The following SATL1 variants were observed in gnomAD, a reference collection of about 807,000 sequenced individuals.
SATL1 encodes spermidine/spermine N(1)-acetyltransferase-like protein 1.
SATL1 carries 47 observed loss-of-function variants against 51.8 expected under a neutral mutation model. The observed-to-expected ratio is 0.91, with a 90% confidence interval of 0.72 to 1.16. The LOEUF is 1.16. Ranked by LOEUF, SATL1 falls within the 50% of genes most tolerant of loss-of-function variation. The pLI is 0.00. For missense variants in SATL1, 520 were observed against 526.4 expected, an observed-to-expected ratio of 0.99 and a Z score of 0.12; for synonymous variants, 176 against 182.4, an observed-to-expected ratio of 0.97 and a Z score of 0.28.
chrX:85,094,074 T>A, intron 6 of SATL1, 54 bp downstream of exon 6: 1 of 649,338 alleles, frequency 1.5e-6, no homozygotes, highest in East Asian at 3.4e-5. Flanking sequence ...CCTTAAAATA[T>A]GTCACTTTAA....
chrX:85,153,389 G>A (rs1926514055), intron 2 of SATL1, among the ~76,000 whole-genome samples: 1 of 111,523 alleles, frequency 9.0e-6, no homozygotes, highest in Non-Finnish European at 1.9e-5. Context: ...TAGCCAAAGT[G>A]AATACAGGTA....
At chrX:85,112,423 C>A (rs1360726831) in intron 2 of SATL1, among the ~76,000 whole-genome samples, 2 of 110,983 alleles carry the variant, frequency 1.8e-5, no homozygotes, top group Non-Finnish European at 1.9e-5. Context: ...AGGTGACTTG[C>A]GGGATGAAGC....
intron 2 of SATL1, among the ~76,000 whole-genome samples, chrX:85,147,330 G>T (rs1040186377): frequency 8.9e-6 from 1 of 112,198 alleles, no homozygotes; most frequent in Non-Finnish European, 1.9e-5. Context: ...GCTCCAACTG[G>T]GTGGAGCCCA....
At chrX:85,222,924 AC>A (rs2147761788) in intron 2 of SATL1, among the ~76,000 whole-genome samples, 1 of 112,089 alleles carries the variant, frequency 8.9e-6, no homozygotes, top group African/African-American at 3.2e-5. Flanking sequence ...TACTCTTCTA[AC>A]TAGAAGTCTC....
At chrX:85,104,939 C>G (rs953824204) in intron 3 of SATL1, among the ~76,000 whole-genome samples, 1 of 111,470 alleles carries the variant, frequency 9.0e-6, no homozygotes, top group Non-Finnish European at 1.9e-5. Context: ...ATACAGAAGG[C>G]TGACTGCATA....
intron 2 of SATL1, among the ~76,000 whole-genome samples, chrX:85,138,730 T>A (rs73627324): frequency 9.0e-6 from 1 of 111,466 alleles, no homozygotes; most frequent in African/African-American, 3.3e-5. Context: ...ACAGCATTTC[T>A]TTTGAGGAGT....
intron 2 of SATL1, among the ~76,000 whole-genome samples, chrX:85,186,517 T>G (rs948893794): frequency 5.4e-5 from 6 of 111,162 alleles, no homozygotes; most frequent in African/African-American, 2.0e-4. Context: ...GAACTCAGGC[T>G]TTTACGTGAC....
At chrX:85,097,975 A>G (rs1175299583) in intron 4 of SATL1, among the ~76,000 whole-genome samples, 1 of 111,550 alleles carries the variant, frequency 9.0e-6, no homozygotes, top group Admixed American at 9.5e-5. Flanking sequence ...GTCCTTCCTC[A>G]TCAGTAATTA....
intron 2 of SATL1, among the ~76,000 whole-genome samples, chrX:85,177,252 C>T (rs1001466240): frequency 2.7e-5 from 3 of 111,068 alleles, no homozygotes; most frequent in Admixed American, 1.9e-4. Flanking sequence ...TAATATTGTT[C>T]CTTTGCTATT....
intron 2 of SATL1, among the ~76,000 whole-genome samples, chrX:85,181,818 G>A (rs770937995): frequency 9.0e-6 from 1 of 111,508 alleles, no homozygotes; most frequent in African/African-American, 3.3e-5. Context: ...TATCAAAATT[G>A]TAATACAAAC....
chrX:85,171,103 T>C (rs1926962469), intron 2 of SATL1, among the ~76,000 whole-genome samples: 1 of 111,401 alleles, frequency 9.0e-6, no homozygotes, highest in Non-Finnish European at 1.9e-5. Context: ...TAGAATAATA[T>C]GGTCATAAGC....
chrX:85,224,768 CAA>C lies in SATL1; in HGVS notation c.-434-444_-434-443del, dbSNP rs58905613. ...AGCAATTCCACTCATGAGTATATATCAAAAAAAAAAAAAAAAAAGAGGAAAAC... is the reference window on the plus strand; with the variant it reads ...AGCAATTCCACTCATGAGTATATATCAAAAAAAAAAAAAAAAGAGGAAAAC... On this transcript the variant is annotated intron_variant, in intron 1 of 7. Transcript: ENST00000644105. 4.2e-4 allele frequency among the ~76,000 whole-genome samples: 25 copies of C among 59,720 alleles called. No homozygotes were observed. In the East Asian group the frequency reaches 4.8e-3, roughly 11 times the overall value. The allele number at this position is 59,720 out of a possible 115,157, so 51.9% of individuals were successfully genotyped here.
At position 85,150,461 on chromosome X, in the gene SATL1, T is replaced by G. The variant is rs1220196488; in HGVS notation, c.-312-41181A>C. Among the ~76,000 whole-genome samples the G allele has an allele frequency of 9.3e-5, 10 of 107,969 alleles. No individual in the cohort carries two copies. In the South Asian group the frequency reaches 4.1e-3, roughly 44 times the overall value. The allele number at this position is 107,969 out of a possible 115,157, so 93.8% of individuals were successfully genotyped here. Reference sequence around the variant, plus strand: ...AAAGAGGGAATCCTCCCTAACTCATTTTATGAGGCCAGCATCATCCTGATA... The same window carrying G: ...AAAGAGGGAATCCTCCCTAACTCATGTTATGAGGCCAGCATCATCCTGATA... On this transcript the variant is annotated intron_variant, in intron 2 of 7. Transcript: ENST00000644105.
chrX:85,222,214 ATC>A (rs965064732), intron 2 of SATL1, among the ~76,000 whole-genome samples: 6 of 111,876 alleles, frequency 5.4e-5, no homozygotes, highest in African/African-American at 1.9e-4. Context: ...CTTATCCTTT[ATC>A]TCTGTTTCAT....
chrX:85,222,060 G>A (rs946165891), intron 2 of SATL1, among the ~76,000 whole-genome samples: 5 of 111,822 alleles, frequency 4.5e-5, no homozygotes, highest in African/African-American at 1.6e-4. Flanking sequence ...CAGAGTAGGA[G>A]AAGACCAAGG....
intron 2 of SATL1, among the ~76,000 whole-genome samples, chrX:85,203,781 G>A (rs1388287049): frequency 8.9e-6 from 1 of 112,547 alleles, no homozygotes; most frequent in Non-Finnish European, 1.9e-5. Flanking sequence ...CCTTTCCACG[G>A]GAGCTCCTTC....
At chrX:85,130,079 T>C (rs982026015) in intron 2 of SATL1, among the ~76,000 whole-genome samples, 1 of 112,068 alleles carries the variant, frequency 8.9e-6, no homozygotes, top group Non-Finnish European at 1.9e-5. Flanking sequence ...CACATCGATG[T>C]TCATCAGGGA....
chrX:85,143,730 CAT>C (rs1926162991), intron 2 of SATL1, among the ~76,000 whole-genome samples: 1 of 110,934 alleles, frequency 9.0e-6, no homozygotes, highest in South Asian at 3.8e-4. Context: ...TTAAAGATAA[CAT>C]GTTTGTCTCT....
At chrX:85,208,474 A>G (rs1927837693) in intron 2 of SATL1, among the ~76,000 whole-genome samples, 1 of 111,714 alleles carries the variant, frequency 9.0e-6, no homozygotes, top group African/African-American at 3.3e-5. Flanking sequence ...AGGGATCGCC[A>G]CACTGTCTTC....
Sources: allele counts gnomAD v4.1 joint callset (sites outside exome capture counted in the v4.1 genomes callset), GRCh38; gene constraint gnomAD v4.1.1; transcripts MANE v1.5; gene names NCBI Gene and HGNC (gene_info 2026-07-23, HGNC 2026-07-21).